The following CHRNA7 variants were observed in gnomAD, a reference collection of about 807,000 sequenced individuals.
CHRNA7 encodes neuronal acetylcholine receptor subunit alpha-7.
A neutral mutation model predicts 48.0 loss-of-function variants in CHRNA7; 17 were observed. That is an observed-to-expected ratio of 0.35 (90% CI 0.24 to 0.53). The LOEUF (loss-of-function observed/expected upper bound fraction) is 0.53, where lower values mean the gene tolerates loss of function less well. Among genes scored for constraint, CHRNA7 ranks in the 20% least tolerant of loss-of-function variants. The pLI is 0.92. For synonymous variants in CHRNA7, 75 were observed against 242.3 expected (o/e 0.31, Z 6.41); for missense variants, 155 against 577.7 (o/e 0.27, Z 7.50).
At chr15:32,153,580 A>G (rs112447467) in intron 4 of CHRNA7, 52,092 of 403,842 alleles carry the variant, frequency 0.13, 6,441 homozygotes, top group East Asian at 0.17. Flanking sequence ...TCTTCTAGAC[A>G]CCATGAAAAT....
chr15:32,054,887 T>A (rs1029692333), intron 2 of CHRNA7, among the ~76,000 whole-genome samples: 3 of 152,356 alleles, frequency 2.0e-5, no homozygotes, highest in Non-Finnish European at 4.4e-5. Context: ...GAGTATGCAT[T>A]TCTCTCTGAT....
chr15:32,102,762 A>G (rs571370743), intron 3 of CHRNA7: 1 of 152,312 alleles, frequency 6.6e-6, no homozygotes, highest in African/African-American at 2.4e-5. Context: ...CTGTTTTTTA[A>G]CTAGGTGTAG....
chr15:32,149,530 C>T lies in CHRNA7; in HGVS notation c.351-4377C>T, dbSNP rs2051575766. 1.3e-5 allele frequency among the ~76,000 whole-genome samples: 2 copies of T among 152,114 alleles called. No individual in the cohort carries two copies. The highest frequency in any genetic ancestry group is 2.1e-4 in the South Asian group (1 of 4,830). On this transcript the variant is annotated intron_variant, in intron 4 of 9. Coordinates refer to ENST00000306901, the MANE Select transcript of CHRNA7 (RefSeq NM_000746.6). This position sits in a 1 kb window ranked among gnomAD's most constrained non-coding sequence, Gnocchi z 4.6. ...TCATCTTATCTCCACCCCTAATGCT[C>T]AAAACAGATAAAGTAGTATTAGCAC...
intron 4 of CHRNA7, among the ~76,000 whole-genome samples, chr15:32,129,655 A>G (rs1325271417): frequency 6.6e-6 from 1 of 151,514 alleles, no homozygotes; most frequent in African/African-American, 2.4e-5. Flanking sequence ...AATTTTATTG[A>G]TATTTTCAAA....
intron 2 of CHRNA7, among the ~76,000 whole-genome samples, chr15:32,096,611 G>T (rs2050473233): frequency 1.3e-5 from 2 of 148,234 alleles, no homozygotes; most frequent in African/African-American, 2.5e-5. Context: ...TTATGTTTTT[G>T]CTTTTTTTTT....
At chr15:32,121,008 C>T (rs1312580018) in intron 4 of CHRNA7, among the ~76,000 whole-genome samples, 1 of 152,204 alleles carries the variant, frequency 6.6e-6, no homozygotes, top group African/African-American at 2.4e-5. Flanking sequence ...CTGCGCGTGT[C>T]CACTGCCCAC....
intron 2 of CHRNA7, among the ~76,000 whole-genome samples, chr15:32,091,469 C>T (rs1230248365): frequency 6.6e-6 from 1 of 152,092 alleles, no homozygotes; most frequent in Admixed American, 6.6e-5. Flanking sequence ...TGCAAAGTTC[C>T]TAGGCTTTGT....
At chr15:32,101,564 A>T in intron 3 of CHRNA7, 1 of 549,788 alleles carries the variant, frequency 1.8e-6, no homozygotes, top group South Asian at 2.8e-5. Context: ...CATGCACAAG[A>T]TCAACACATA....
chr15:32,104,973 A>G (rs2050638454), intron 3 of CHRNA7, among the ~76,000 whole-genome samples: 2 of 152,194 alleles, frequency 1.3e-5, no homozygotes, highest in South Asian at 2.1e-4. Flanking sequence ...AGCAATGTAT[A>G]TGATTTGGCA....
intron 3 of CHRNA7, 144 bp downstream of exon 3, chr15:32,101,491 C>T: frequency 1.3e-6 from 1 of 772,504 alleles, no homozygotes; most frequent in Non-Finnish European, 2.1e-6. Context: ...GCTGTCACAC[C>T]AACTCCACAC....
chr15:32,064,482 A>AGTGTGTGTGTGTGT (rs5811677), intron 2 of CHRNA7, among the ~76,000 whole-genome samples: 1 of 150,510 alleles, frequency 6.6e-6, no homozygotes, highest in Non-Finnish European at 1.5e-5. Flanking sequence ...GTGTGTGTGT[A>AGTGTGTGTGTGTGT]GTGTGTGTGT....
chr15:32,069,583 G>T (rs970742701), intron 2 of CHRNA7, among the ~76,000 whole-genome samples: 6 of 152,192 alleles, frequency 3.9e-5, no homozygotes, highest in Non-Finnish European at 8.8e-5. Flanking sequence ...GGAGGTCGAG[G>T]CTGCAGTGAG....
At chr15:32,117,515 C>T (rs2050893721) in intron 4 of CHRNA7, among the ~76,000 whole-genome samples, 1 of 152,142 alleles carries the variant, frequency 6.6e-6, no homozygotes. Flanking sequence ...ATTGTAGATC[C>T]AATCTCAGCT....
chr15:32,088,931 T>G (rs781008312), intron 2 of CHRNA7, among the ~76,000 whole-genome samples: 1 of 152,192 alleles, frequency 6.6e-6, no homozygotes, highest in African/African-American at 2.4e-5. Flanking sequence ...AAAGTCCAAC[T>G]TACTAATTTT....
At chr15:32,050,858 T>A (rs575614599) in intron 2 of CHRNA7, among the ~76,000 whole-genome samples, 217 of 152,302 alleles carry the variant, frequency 1.4e-3, no homozygotes, top group African/African-American at 4.9e-3. Flanking sequence ...TAGTTTTCCT[T>A]CTAACAGACA....
intron 4 of CHRNA7, among the ~76,000 whole-genome samples, chr15:32,129,453 G>A (rs2051120821): frequency 6.6e-6 from 1 of 151,908 alleles, no homozygotes; most frequent in African/African-American, 2.4e-5. Context: ...GGGATCTTCA[G>A]CTTATTTATA....
intron 2 of CHRNA7, among the ~76,000 whole-genome samples, chr15:32,059,484 C>T (rs2049842271): frequency 6.6e-6 from 1 of 152,064 alleles, no homozygotes; most frequent in Non-Finnish European, 1.5e-5. Flanking sequence ...TTGCTTTGGT[C>T]ACTGTGATCC....
chr15:32,143,842 A>G (rs554173273), intron 4 of CHRNA7, among the ~76,000 whole-genome samples: 4 of 152,260 alleles, frequency 2.6e-5, no homozygotes, highest in Admixed American at 1.3e-4. Context: ...TCCTGAATAC[A>G]GCACACTGAT....
At chr15:32,092,082 A>G (rs186415522) in intron 2 of CHRNA7, among the ~76,000 whole-genome samples, 43 of 151,888 alleles carry the variant, frequency 2.8e-4, no homozygotes, top group Admixed American at 2.2e-3. Flanking sequence ...TCCATTTCCA[A>G]CTTCTGTAAT....
Sources: allele counts gnomAD v4.1 joint callset (sites outside exome capture counted in the v4.1 genomes callset), GRCh38; gene constraint gnomAD v4.1.1; non-coding constraint Gnocchi (gnomAD v3.1); transcripts MANE v1.5; gene names NCBI Gene and HGNC (gene_info 2026-07-23, HGNC 2026-07-21).